Variants in MSH4 observed in about 807,000 individuals in gnomAD.
MSH4 encodes mutS protein homolog 4.
A neutral mutation model predicts 113.7 loss-of-function variants in MSH4; 106 were observed. The observed-to-expected ratio is 0.93, with a 90% CI of 0.80 to 1.10. The LOEUF is 1.10. MSH4 is among the 50% of genes least tolerant of loss of function. The pLI, the probability that MSH4 is intolerant of heterozygous loss-of-function variation, is 0.00. For synonymous variants in MSH4, 368 were observed against 380.2 expected (o/e 0.97, Z 0.37); for missense variants, 1,061 against 1,093.7 (o/e 0.97, Z 0.42).
chr1:75,825,827 G>A (rs1419470430), intron 7 of MSH4, among the ~76,000 whole-genome samples: 1 of 152,128 alleles, frequency 6.6e-6, no homozygotes, highest in Non-Finnish European at 1.5e-5. Flanking sequence ...CTTGATTGTG[G>A]TGGATAAGCT....
chr1:75,847,682 T>G (rs1369305055), intron 7 of MSH4, among the ~76,000 whole-genome samples: 2 of 152,126 alleles, frequency 1.3e-5, no homozygotes, highest in Non-Finnish European at 2.9e-5. Context: ...TGGAGGATGG[T>G]CAAGGAGGAA....
chr1:75,900,832 A>C (rs1652491553), intron 19 of MSH4, among the ~76,000 whole-genome samples: 1 of 152,122 alleles, frequency 6.6e-6, no homozygotes, highest in African/African-American at 2.4e-5. Flanking sequence ...ACTCTGAAGA[A>C]GCTCTTATTA....
At chr1:75,882,401 T>A (rs1314037877) in intron 14 of MSH4, among the ~76,000 whole-genome samples, 1 of 152,032 alleles carries the variant, frequency 6.6e-6, no homozygotes, top group Non-Finnish European at 1.5e-5. Context: ...ATTTTGGTTT[T>A]CACATATGCT....
chr1:75,855,176 C>A (rs1388456918), intron 8 of MSH4, among the ~76,000 whole-genome samples: 1 of 151,960 alleles, frequency 6.6e-6, no homozygotes, highest in African/African-American at 2.4e-5. Flanking sequence ...TAGCCAAGAC[C>A]ACAGGCATGC....
intron 14 of MSH4, among the ~76,000 whole-genome samples, chr1:75,881,598 A>G (rs541683452): frequency 6.6e-6 from 1 of 152,154 alleles, no homozygotes; most frequent in South Asian, 2.1e-4. Context: ...AAAAAATTGC[A>G]AGAAACTAAA....
intron 7 of MSH4, among the ~76,000 whole-genome samples, chr1:75,847,651 C>G (rs138318703): frequency 6.6e-6 from 1 of 152,220 alleles, no homozygotes. Context: ...CTGGTCAGGG[C>G]TTTCATGATG....
chr1:75,837,402 T>G (rs2100536420), intron 7 of MSH4, among the ~76,000 whole-genome samples: 1 of 148,550 alleles, frequency 6.7e-6, no homozygotes. Context: ...TTTTTTTTTT[T>G]TTTTGAGACG....
In MSH4 at chr1:75,796,886, A is replaced by C. The variant is rs1426109112; in HGVS notation, c.-100A>C. 1 of 1,540,366 alleles carries C rather than the reference A, an allele frequency of 6.5e-7. No homozygotes were observed. Among genetic ancestry groups the C allele is most frequent in the Non-Finnish European group, 8.8e-7 (1 of 1,132,686 alleles). ...AGTGCAGCTTAGTGCGTCGGCGCGC[A>C]GTTCTCCCGCCCGTTTCAGCGGCGC... On this transcript the variant is annotated 5_prime_UTR_variant, in exon 1 of 20. Coordinates refer to ENST00000263187, the MANE Select transcript of MSH4 (RefSeq NM_002440.4).
chr1:75,889,151 T>C (rs1652195951), intron 15 of MSH4, 100 bp from the exon 16 acceptor site: 1 of 613,222 alleles, frequency 1.6e-6, no homozygotes, highest in African/African-American at 2.0e-5. Flanking sequence ...GTGTTCTTTC[T>C]ACCATATAAT....
intron 8 of MSH4, among the ~76,000 whole-genome samples, chr1:75,857,932 C>T (rs1651356333): frequency 6.6e-6 from 1 of 152,050 alleles, no homozygotes; most frequent in Non-Finnish European, 1.5e-5. Context: ...TGTGTCCTGT[C>T]TTATTTCTTT....
At chr1:75,834,903 C>T (rs926803821) in intron 7 of MSH4, among the ~76,000 whole-genome samples, 3 of 151,940 alleles carry the variant, frequency 2.0e-5, no homozygotes, top group Non-Finnish European at 4.4e-5. Flanking sequence ...GCACATGTAC[C>T]CTAGAACTTA....
At position 75,816,487 on chromosome 1, in the gene MSH4, C is replaced by CA; in HGVS notation, c.931dup (p.Met311AsnfsTer11). 6.2e-7 allele frequency: 1 copy of CA among 1,607,356 alleles called. No homozygotes were observed. On this transcript the variant is annotated frameshift_variant, in exon 6 of 20. Coordinates refer to ENST00000263187, the MANE Select transcript of MSH4 (RefSeq NM_002440.4). LOFTEE classifies it high-confidence loss of function. ...GTTTCCAGGGTAGTGAACAGACAGC[C>CA]ATGATAGATTCATCATCAGCCCAAA...
At position 75,859,655 on chromosome 1, in the gene MSH4, T is replaced by A. The variant is rs531761621; in HGVS notation, c.1231-7859T>A. On this transcript the variant is annotated intron_variant, in intron 8 of 19. Transcript: ENST00000263187. ...TTGTTGTGATTTCTATTCTTATACA[T>A]TTGCTGAGGAGTGTTTTACTTCCAA... Among the ~76,000 whole-genome samples, 221 of 152,336 alleles carry A rather than the reference T, an allele frequency of 1.5e-3. 1 individual carries two copies. The highest frequency in any genetic ancestry group is 5.1e-3 in the African/African-American group (213 of 41,570).
At chr1:75,892,961 G>A (rs5745519) in intron 17 of MSH4, among the ~76,000 whole-genome samples, 1 of 152,098 alleles carries the variant, frequency 6.6e-6, no homozygotes, top group African/African-American at 2.4e-5. Context: ...TTTCTTCCAG[G>A]TGAATGCAGG....
rs1649821638 is a variant in MSH4, at chr1:75,796,921, A to G, written c.-65A>G. On this transcript the variant is annotated 5_prime_UTR_variant, in exon 1 of 20. Transcript: ENST00000263187. ...CCCGTTTCAGCGGCGCAGCTTCTGT[A>G]GTTGGGCTACTGGAGGGGTCGCTCA... 6.3e-7 allele frequency: 1 copy of G among 1,597,864 alleles called. No individual in the cohort carries two copies. Among genetic ancestry groups the G allele is most frequent in the Admixed American group, 1.7e-5 (1 of 58,798 alleles).
intron 2 of MSH4, among the ~76,000 whole-genome samples, chr1:75,805,757 T>A (rs536250398): frequency 2.6e-5 from 4 of 152,158 alleles, no homozygotes; most frequent in Non-Finnish European, 5.9e-5. Context: ...AATTTTTAAT[T>A]CCATCAATAG....
intron 5 of MSH4, among the ~76,000 whole-genome samples, chr1:75,815,947 G>T (rs762262318): frequency 1.3e-5 from 2 of 152,130 alleles, no homozygotes; most frequent in South Asian, 2.1e-4. Flanking sequence ...GGTGGAGGTT[G>T]CAGTGAGCCG....
intron 8 of MSH4, among the ~76,000 whole-genome samples, chr1:75,865,778 A>G (rs1651549947): frequency 6.6e-6 from 1 of 152,248 alleles, no homozygotes; most frequent in African/African-American, 2.4e-5. Context: ...ACACAAGGCC[A>G]TGAAGATATT....
rs1652465070 is a variant in MSH4 at position 75,899,611 on chromosome 1, A to G, written c.2531-7A>G. The G allele has an allele frequency of 1.4e-6, 2 of 1,474,776 alleles. No individual in the cohort carries two copies. The highest frequency in any genetic ancestry group is 2.5e-5 in the Admixed American group (1 of 39,966). The allele number at this position is 1,474,776 out of a possible 1,614,324, so 91.4% of individuals were successfully genotyped here. On this transcript the variant is annotated splice_region_variant and splice_polypyrimidine_tract_variant and intron_variant, in intron 18 of 19. Transcript: ENST00000263187. The stretch of plus-strand genomic sequence containing the variant: ...ATTGAAGCCAAATTTAAAACAAATA[A>G]TTCTAGGATTAAAAGCTGCAGAGGT...
Sources: gnomAD v4.1 joint callset for allele counts (sites outside exome capture counted in the v4.1 genomes callset) on GRCh38, gnomAD v4.1.1 for gene constraint, MANE v1.5 for transcripts, NCBI Gene and HGNC (gene_info 2026-07-23, HGNC 2026-07-21) for gene names.